MBD5: variants seen among roughly 807,000 people sequenced by gnomAD.
MBD5 encodes the protein methyl-CpG binding domain protein 5.
In MBD5, 13 loss-of-function variants were observed where a neutral mutation model predicts 117.3. The observed-to-expected ratio is 0.11, with a 90% CI of 0.07 to 0.18. The LOEUF is 0.18. Among genes scored for constraint, MBD5 ranks in the 10% least tolerant of loss-of-function variants. MBD5 has a pLI of 1.00. For synonymous variants in MBD5, 727 were observed against 766.4 expected (o/e 0.95, Z 0.85); for missense variants, 1,879 against 2,093.8 (o/e 0.90, Z 2.00).
rs1682280441 is a variant in MBD5 at position 148,513,677 on chromosome 2, A to G, written c.*736A>G. The G allele has an allele frequency of 6.6e-6, 1 of 152,224 alleles. No homozygotes were observed. Among genetic ancestry groups the G allele is most frequent in the South Asian group, 2.1e-4 (1 of 4,830 alleles). The allele number at this position is 152,224 out of a possible 1,614,324, so 9.4% of individuals were successfully genotyped here. A position where few individuals can be genotyped will look rare whatever the true frequency, so the allele number is the denominator to read the frequency against. ...TAAAGGGATGAGGGCTCACAGGTCT[A>G]AATTAAGAATTCAGAAACTGCAACC... On this transcript the variant is annotated 3_prime_UTR_variant, in exon 14 of 14. Coordinates refer to ENST00000642680, the MANE Select transcript of MBD5 (RefSeq NM_001378120.1).
intron 10 of MBD5, among the ~76,000 whole-genome samples, chr2:148,487,460 T>C (rs1206387789): frequency 6.6e-6 from 1 of 152,166 alleles, no homozygotes; most frequent in Non-Finnish European, 1.5e-5. Context: ...GAAGTAATGA[T>C]GAAGAAAACT....
intron 1 of MBD5, chr2:148,062,378 A>C (rs1695060169): frequency 6.6e-6 from 1 of 151,882 alleles, no homozygotes; most frequent in African/African-American, 2.4e-5. Flanking sequence ...TAAATGTATA[A>C]AGTTTGTAAT....
At chr2:148,158,569 C>T (rs182227967) in intron 1 of MBD5, among the ~76,000 whole-genome samples, 23 of 152,144 alleles carry the variant, frequency 1.5e-4, no homozygotes, top group Admixed American at 1.2e-3. Flanking sequence ...TATACTTGGC[C>T]GTTTATACTG....
rs1299292041 is a variant in MBD5, at chr2:148,458,484, C to T, written c.-275C>T. 1 of 581,164 alleles carries T rather than the reference C, an allele frequency of 1.7e-6. No homozygotes were observed. Among genetic ancestry groups the T allele is most frequent in the Non-Finnish European group, 3.1e-6 (1 of 326,826 alleles). The allele number at this position is 581,164 out of a possible 1,614,324, so 36.0% of individuals were successfully genotyped here. A position where few individuals can be genotyped will look rare whatever the true frequency, so the allele number is the denominator to read the frequency against. On this transcript the variant is annotated 5_prime_UTR_variant, in exon 5 of 14. Coordinates refer to ENST00000642680, the MANE Select transcript of MBD5 (RefSeq NM_001378120.1). Reference sequence around the variant, plus strand: ...ACCAGCATTGGTGAATTATGATTTTCCTTAGTCAGAAGCACTCATTTTTAC... The same window carrying T: ...ACCAGCATTGGTGAATTATGATTTTTCTTAGTCAGAAGCACTCATTTTTAC...
chr2:148,359,878 A>G (rs1313438951), intron 4 of MBD5, among the ~76,000 whole-genome samples: 1 of 152,198 alleles, frequency 6.6e-6, no homozygotes, highest in African/African-American at 2.4e-5. Flanking sequence ...TAAAAGAAGT[A>G]TACATATATA....
At position 148,512,905 on chromosome 2, in the gene MBD5, A is replaced by G; in HGVS notation, c.5148A>G (p.Arg1716=). The G allele has an allele frequency of 1.9e-6, 3 of 1,613,636 alleles. No homozygotes were observed. Among genetic ancestry groups the G allele is most frequent in the Non-Finnish European group, 2.5e-6 (3 of 1,179,840 alleles). Residue 1716 remains arginine (R), a synonymous_variant, in exon 14 of 14, where the codon AGA becomes AGG. Coordinates refer to ENST00000642680, the MANE Select transcript of MBD5 (RefSeq NM_001378120.1). ...TCCCACAGGGTGACAGACAAATGAG[A>G]CCCCCCAAACCCAAGAGGAGGAAGA... ...HQIPQGDRQM[R]PPKPKRRKIS...
At chr2:148,045,189 G>A (rs1321853576) in intron 1 of MBD5, among the ~76,000 whole-genome samples, 1 of 152,072 alleles carries the variant, frequency 6.6e-6, no homozygotes, top group African/African-American at 2.4e-5. Context: ...TACATACTGT[G>A]CATGCATTAT....
intron 8 of MBD5, among the ~76,000 whole-genome samples, chr2:148,474,599 G>C (rs555851887): frequency 1.3e-5 from 2 of 151,992 alleles, no homozygotes; most frequent in East Asian, 3.9e-4. Context: ...GAGGGGACAC[G>C]GTATGGGTTT....
intron 3 of MBD5, among the ~76,000 whole-genome samples, chr2:148,253,832 G>A (rs1349191225): frequency 2.6e-5 from 4 of 152,172 alleles, no homozygotes; most frequent in Admixed American, 6.5e-5. Context: ...AGCCAAGCAC[G>A]AGCTCATGTG....
intron 1 of MBD5, among the ~76,000 whole-genome samples, chr2:148,144,022 C>T (rs541570630): frequency 2.0e-5 from 3 of 152,200 alleles, no homozygotes; most frequent in Non-Finnish European, 2.9e-5. Context: ...CTTGAGGAAT[C>T]GCTACACTGT....
At chr2:148,235,050 T>C (rs1433942453) in intron 3 of MBD5, among the ~76,000 whole-genome samples, 1 of 152,126 alleles carries the variant, frequency 6.6e-6, no homozygotes, top group Non-Finnish European at 1.5e-5. Flanking sequence ...AAGTCCCTTA[T>C]ATGAAATAGT....
intron 3 of MBD5, among the ~76,000 whole-genome samples, chr2:148,269,777 T>A (rs1273462630): frequency 6.6e-6 from 1 of 151,722 alleles, no homozygotes; most frequent in Non-Finnish European, 1.5e-5. Flanking sequence ...TATCTACTGT[T>A]ATTTTTTCCT....
At chr2:148,267,578 C>T in intron 3 of MBD5, among the ~76,000 whole-genome samples, 1 of 152,088 alleles carries the variant, frequency 6.6e-6, no homozygotes, top group South Asian at 2.1e-4. Context: ...CCATTCCTTC[C>T]CCTTGCCTCC....
At chr2:148,197,794 G>GTTTTTTTTTTTTT (rs56029734) in intron 2 of MBD5, among the ~76,000 whole-genome samples, 4 of 102,516 alleles carry the variant, frequency 3.9e-5, no homozygotes, top group Admixed American at 1.1e-4. Flanking sequence ...AGCATCTGAG[G>GTTTTTTTTTTTTT]TTTTTTTTTT....
At chr2:148,150,780 T>A (rs1393148048) in intron 1 of MBD5, among the ~76,000 whole-genome samples, 1 of 152,170 alleles carries the variant, frequency 6.6e-6, no homozygotes, top group African/African-American at 2.4e-5. Flanking sequence ...GTGATTTTTC[T>A]ACATTCATTT....
intron 4 of MBD5, among the ~76,000 whole-genome samples, chr2:148,452,450 T>C (rs1331837203): frequency 6.6e-6 from 1 of 151,976 alleles, no homozygotes; most frequent in Admixed American, 6.6e-5. Flanking sequence ...CAGTGAGCCG[T>C]GATTGTGCCA....
chr2:148,411,036 G>C (rs1705230475), intron 4 of MBD5, among the ~76,000 whole-genome samples: 2 of 152,172 alleles, frequency 1.3e-5, no homozygotes, highest in Non-Finnish European at 1.5e-5. Flanking sequence ...GTGGGTCCTG[G>C]TGTCTGTTGT....
At position 148,064,121 on chromosome 2, in the gene MBD5, C is replaced by CTTTTTTTTTTTTTTTT. The variant is rs200434229; in HGVS notation, c.-925+42443_-925+42444insTTTTTTTTTTTTTTTT. Among the ~76,000 whole-genome samples, 5 of 126,150 alleles carry CTTTTTTTTTTTTTTTT rather than the reference C, an allele frequency of 4.0e-5. 2 individuals are homozygous for CTTTTTTTTTTTTTTTT. Among genetic ancestry groups the CTTTTTTTTTTTTTTTT allele is most frequent in the Non-Finnish European group, 4.9e-5 (3 of 61,270 alleles). 82.8% of individuals were successfully genotyped at this position (126,150 alleles called of 152,430 possible). A position where few individuals can be genotyped will look rare whatever the true frequency, so the allele number is the denominator to read the frequency against. On this transcript the variant is annotated intron_variant, in intron 1 of 13. Transcript: ENST00000642680. ...GAAACATACTATTCCCACCAGCTGTCTTTTTTCTTTTTTTTTTTTTTTGAG... is the reference window on the plus strand; with the variant it reads ...GAAACATACTATTCCCACCAGCTGTCTTTTTTTTTTTTTTTTTTTTTTCTTTTTTTTTTTTTTTGAG...
chr2:148,212,175 A>G (rs2094470777), intron 2 of MBD5, among the ~76,000 whole-genome samples: 2 of 152,206 alleles, frequency 1.3e-5, no homozygotes, highest in Admixed American at 1.3e-4. Flanking sequence ...ATCATTCACT[A>G]CTGTTCAATT....
Sources: allele counts gnomAD v4.1 joint callset (sites outside exome capture counted in the v4.1 genomes callset), GRCh38; gene constraint gnomAD v4.1.1; transcripts MANE v1.5; gene names NCBI Gene and HGNC (gene_info 2026-07-23, HGNC 2026-07-21).